Variants in CLTCL1 observed in about 807,000 individuals in gnomAD.
CLTCL1 encodes the protein clathrin heavy chain 2.
CLTCL1 carries 159 observed loss-of-function variants against 190.0 expected under a neutral mutation model. That is an observed-to-expected ratio of 0.84 (90% CI 0.74 to 0.95). The LOEUF (loss-of-function observed/expected upper bound fraction) is 0.95, where lower values mean the gene tolerates loss of function less well. Ranked by LOEUF, CLTCL1 falls within the 40% of genes least tolerant of loss-of-function variation. The probability of loss-of-function intolerance (pLI) is 0.00; values close to 1 mark genes in which losing one functional copy is unlikely to be tolerated. For missense variants in CLTCL1, 1,878 were observed against 2,033.4 expected, an observed-to-expected ratio of 0.92 and a Z score of 1.47; for synonymous variants, 752 against 769.6, an observed-to-expected ratio of 0.98 and a Z score of 0.38.
Position 19,224,062 on chromosome 22 carries a change from G to A in CLTCL1, c.2129-8C>T. The A allele has an allele frequency of 6.2e-7, 1 of 1,613,768 alleles. No individual in the cohort carries two copies. The highest frequency in any genetic ancestry group is 8.5e-7 in the Non-Finnish European group (1 of 1,179,786). Reference sequence around the variant, plus strand: ...CCAGGAAGTAGAAGAGGCCTATGAAGAGAGACCATTCCATTTTTGTCCTTG... The same window carrying A: ...CCAGGAAGTAGAAGAGGCCTATGAAAAGAGACCATTCCATTTTTGTCCTTG... On this transcript the variant is annotated splice_polypyrimidine_tract_variant and splice_region_variant and intron_variant, in intron 13 of 32. Transcript: ENST00000427926.
At chr22:19,261,214 G>A (rs1006618070) in intron 2 of CLTCL1, among the ~76,000 whole-genome samples, 3 of 151,838 alleles carry the variant, frequency 2.0e-5, no homozygotes, top group East Asian at 1.9e-4. Context: ...CCGGGTTCAC[G>A]CCATTCTCCT....
At chr22:19,245,902 A>G (rs2086403277) in intron 3 of CLTCL1, among the ~76,000 whole-genome samples, 1 of 152,134 alleles carries the variant, frequency 6.6e-6, no homozygotes, top group Non-Finnish European at 1.5e-5. Flanking sequence ...TTATCCACTC[A>G]TTTGCTGGTG....
At chr22:19,205,127 A>G (rs1405264522) in intron 22 of CLTCL1, among the ~76,000 whole-genome samples, 1 of 152,190 alleles carries the variant, frequency 6.6e-6, no homozygotes, top group Non-Finnish European at 1.5e-5. Flanking sequence ...GGCAAGTAAA[A>G]GAAAAGCAAT....
intron 30 of CLTCL1, chr22:19,183,019 A>T: frequency 3.5e-6 from 1 of 283,672 alleles, no homozygotes; most frequent in East Asian, 8.6e-5. Context: ...CCCAGACGCC[A>T]CTGGGAGCTC....
intron 2 of CLTCL1, among the ~76,000 whole-genome samples, chr22:19,259,029 G>A (rs1273472768): frequency 6.6e-6 from 1 of 152,170 alleles, no homozygotes; most frequent in East Asian, 1.9e-4. Flanking sequence ...GCAACCCACA[G>A]AATAAGAGAA....
intron 2 of CLTCL1, among the ~76,000 whole-genome samples, chr22:19,269,136 T>C (rs2518858): frequency 0.072 from 10,758 of 149,096 alleles, 468 homozygotes; most frequent in Middle Eastern, 0.18. Context: ...GTAGTGGTGG[T>C]TCACGCCTGT....
chr22:19,252,162 A>T (rs1212998028), intron 3 of CLTCL1, among the ~76,000 whole-genome samples: 2 of 152,182 alleles, frequency 1.3e-5, no homozygotes, highest in Middle Eastern at 3.2e-3. Context: ...TCTGCCTTTC[A>T]ACTAGTCTCC....
At position 19,208,940 on chromosome 22, in the gene CLTCL1, G is replaced by A; in HGVS notation, c.3424C>T (p.Gln1142Ter). The change falls in exon 21 of 33, where the codon CAG becomes TAG. Residue 1142 changes from glutamine to a stop codon, truncating the protein, a stop_gained. Coordinates refer to ENST00000427926, the MANE Select transcript of CLTCL1 (RefSeq NM_007098.4). LOFTEE classifies it high-confidence loss of function. ...DDPSSYLEVV[Q>*]SASRSNNWED... is the part of the protein sequence containing the mutation. Reference sequence around the variant, plus strand: ...CACTTACTGCTCCTGCTGGCTGACTGAACAACTTCCAGGTAAGAGGAAGGG... The same window carrying A: ...CACTTACTGCTCCTGCTGGCTGACTAAACAACTTCCAGGTAAGAGGAAGGG... 1 of 1,608,808 alleles carries A rather than the reference G, an allele frequency of 6.2e-7. No homozygotes were observed. Among genetic ancestry groups the A allele is most frequent in the East Asian group, 2.2e-5 (1 of 44,764 alleles).
intron 19 of CLTCL1, among the ~76,000 whole-genome samples, chr22:19,212,068 A>G (rs1293798000): frequency 2.6e-5 from 4 of 152,204 alleles, no homozygotes; most frequent in African/African-American, 7.2e-5. Flanking sequence ...GATGAAAGAA[A>G]TCAAAGATCT....
At chr22:19,190,198 T>G (rs1175790205) in intron 27 of CLTCL1, among the ~76,000 whole-genome samples, 2 of 152,174 alleles carry the variant, frequency 1.3e-5, no homozygotes, top group Non-Finnish European at 2.9e-5. Context: ...GCCTTGGTCA[T>G]CCACCCACCT....
At chr22:19,197,362 A>G (rs992903665) in intron 24 of CLTCL1, among the ~76,000 whole-genome samples, 1 of 151,700 alleles carries the variant, frequency 6.6e-6, no homozygotes, top group African/African-American at 2.4e-5. Context: ...CAGCATCTGC[A>G]CCCCCCAATC....
chr22:19,281,406 G>C (rs1416744918), intron 1 of CLTCL1, among the ~76,000 whole-genome samples: 1 of 151,958 alleles, frequency 6.6e-6, no homozygotes, highest in Non-Finnish European at 1.5e-5. Flanking sequence ...TGGTTAAGAT[G>C]ATAAATTTTA....
At chr22:19,235,574 A>T in intron 6 of CLTCL1, 122 bp downstream of exon 6, 1 of 885,276 alleles carries the variant, frequency 1.1e-6, no homozygotes. Flanking sequence ...ACATGGGTTT[A>T]AGTTTAATAA....
At chr22:19,197,784 GC>G (rs1310909810) in intron 24 of CLTCL1, among the ~76,000 whole-genome samples, 4 of 152,184 alleles carry the variant, frequency 2.6e-5, no homozygotes, top group Non-Finnish European at 5.9e-5. Flanking sequence ...GCATCCAGGA[GC>G]CAGCACACTC....
chr22:19,202,419 TCCCG>T (rs2084917923), intron 22 of CLTCL1, among the ~76,000 whole-genome samples: 1 of 151,784 alleles, frequency 6.6e-6, no homozygotes, highest in Non-Finnish European at 1.5e-5. Flanking sequence ...CCACGGCACC[TCCCG>T]CACCACCCCT....
chr22:19,291,568 A>G, intron 1 of CLTCL1, 32 bp downstream of exon 1: 2 of 1,342,194 alleles, frequency 1.5e-6, no homozygotes, highest in Non-Finnish European at 1.9e-6. Context: ...GGCGCGGCTG[A>G]CAGGGCAGCC....
intron 2 of CLTCL1, among the ~76,000 whole-genome samples, chr22:19,269,895 A>G (rs1555979675): frequency 6.6e-6 from 1 of 151,884 alleles, no homozygotes; most frequent in African/African-American, 2.4e-5. Context: ...ATGTATACCT[A>G]TGTAATAAAC....
At chr22:19,194,533 C>T (rs559213976) in intron 26 of CLTCL1, among the ~76,000 whole-genome samples, 77 of 152,300 alleles carry the variant, frequency 5.1e-4, no homozygotes, top group Middle Eastern at 3.4e-3. Context: ...AGCTGAGATT[C>T]CGCCACAAGC....
At chr22:19,288,717 G>T (rs1555991566) in intron 1 of CLTCL1, among the ~76,000 whole-genome samples, 1 of 152,242 alleles carries the variant, frequency 6.6e-6, no homozygotes, top group East Asian at 1.9e-4. Context: ...GATGGCTTGG[G>T]AACATCAAGC....
Sources: allele counts gnomAD v4.1 joint callset (sites outside exome capture counted in the v4.1 genomes callset), GRCh38; gene constraint gnomAD v4.1.1; transcripts MANE v1.5; gene names NCBI Gene and HGNC (gene_info 2026-07-23, HGNC 2026-07-21).